The following PTPRD variants were observed in gnomAD, a reference collection of about 807,000 sequenced individuals.
PTPRD encodes protein tyrosine phosphatase receptor type D.
Under a neutral mutation model 214.5 loss-of-function variants are expected in PTPRD, and 34 were observed. The ratio of observed to expected loss-of-function variants is 0.16; its 90% confidence interval spans 0.12 to 0.21. PTPRD has a LOEUF of 0.21. Ranked by LOEUF, PTPRD falls within the 10% of genes least tolerant of loss-of-function variation. The pLI, the probability that PTPRD is intolerant of heterozygous loss-of-function variation, is 1.00. For synonymous variants in PTPRD, 1,128 were observed against 845.7 expected (o/e 1.33, Z -5.79); for missense variants, 2,545 against 2,398.7 (o/e 1.06, Z -1.27).
intron 14 of PTPRD, among the ~76,000 whole-genome samples, chr9:8,596,220 A>G (rs2094468116): frequency 6.6e-6 from 1 of 152,108 alleles, no homozygotes; most frequent in African/African-American, 2.4e-5. Context: ...TCTTAATATG[A>G]AAATAATACT....
chr9:10,534,246 T>C (rs1230074277), intron 2 of PTPRD, among the ~76,000 whole-genome samples: 2 of 151,996 alleles, frequency 1.3e-5, no homozygotes, highest in African/African-American at 4.8e-5. Flanking sequence ...TTAAAATTAC[T>C]CTATGGGACC....
intron 37 of PTPRD, among the ~76,000 whole-genome samples, chr9:8,377,532 A>G (rs887350235): frequency 4.6e-5 from 7 of 152,234 alleles, no homozygotes; most frequent in African/African-American, 1.7e-4. Flanking sequence ...AGTATAATGA[A>G]AAGTAACAAA....
At chr9:9,161,037 G>C (rs945651442) in intron 10 of PTPRD, among the ~76,000 whole-genome samples, 1 of 152,096 alleles carries the variant, frequency 6.6e-6, no homozygotes, top group Non-Finnish European at 1.5e-5. Context: ...CTGGGATATG[G>C]GGCAGGGGGT....
At chr9:9,947,452 T>TATA (rs1438365237) in intron 4 of PTPRD, among the ~76,000 whole-genome samples, 4 of 14,852 alleles carry the variant, frequency 2.7e-4, no homozygotes, top group African/African-American at 1.5e-3. Context: ...ATTTTATATA[T>TATA]TTTTATATAT....
Position 9,897,162 on chromosome 9 carries a change from C to T in PTPRD, c.-368+41345G>A, listed in dbSNP as rs546672684. Among the ~76,000 whole-genome samples, 265 of 123,172 alleles carry T rather than the reference C, an allele frequency of 2.2e-3. 2 individuals carry two copies. The highest frequency in any genetic ancestry group is 4.6e-3 in the Admixed American group (60 of 12,920). The allele number at this position is 123,172 out of a possible 152,430, so 80.8% of individuals were successfully genotyped here. A position where few individuals can be genotyped will look rare whatever the true frequency, so the allele number is the denominator to read the frequency against. ...CACACACACACACACACACACACAC[C>T]GCTGCTAAACACCCCCTGGGGGTTG... On this transcript the variant is annotated intron_variant, in intron 5 of 45. Coordinates refer to ENST00000381196, the MANE Select transcript of PTPRD (RefSeq NM_002839.4).
chr9:8,967,491 A>G (rs1428817972), intron 11 of PTPRD, among the ~76,000 whole-genome samples: 1 of 152,136 alleles, frequency 6.6e-6, no homozygotes, highest in Non-Finnish European at 1.5e-5. Context: ...CTACATAGCC[A>G]TAAAAAAATA....
chr9:8,494,211 A>T (rs556848619), intron 26 of PTPRD, among the ~76,000 whole-genome samples: 1 of 152,256 alleles, frequency 6.6e-6, no homozygotes, highest in South Asian at 2.1e-4. Context: ...GCAAGGCTGT[A>T]ACAGATACCG....
At chr9:8,479,542 T>G (rs1224169764) in intron 30 of PTPRD, among the ~76,000 whole-genome samples, 1 of 152,148 alleles carries the variant, frequency 6.6e-6, no homozygotes, top group Non-Finnish European at 1.5e-5. Context: ...CAAAAAAAAT[T>G]GAACAAGCTA....
chr9:9,443,945 C>CT (rs945865457), intron 8 of PTPRD, among the ~76,000 whole-genome samples: 62 of 152,254 alleles, frequency 4.1e-4, no homozygotes, highest in African/African-American at 1.4e-3. Context: ...TGCATAGGGA[C>CT]TTTTTTGTCT....
intron 11 of PTPRD, among the ~76,000 whole-genome samples, chr9:8,944,669 G>A (rs1246130692): frequency 5.3e-5 from 8 of 152,048 alleles, no homozygotes; most frequent in African/African-American, 1.9e-4. Flanking sequence ...CATTTTGCAT[G>A]TTCACACTCA....
At chr9:8,905,070 A>C (rs1042727795) in intron 11 of PTPRD, among the ~76,000 whole-genome samples, 2 of 152,332 alleles carry the variant, frequency 1.3e-5, no homozygotes, top group Non-Finnish European at 2.9e-5. Context: ...GAGTATACAA[A>C]AATGAAAGAG....
intron 38 of PTPRD, among the ~76,000 whole-genome samples, chr9:8,376,397 C>G (rs1366643325): frequency 6.6e-6 from 1 of 152,028 alleles, no homozygotes; most frequent in Non-Finnish European, 1.5e-5. Flanking sequence ...TTGGCTGAAA[C>G]TTTCATTTGG....
At chr9:8,951,641 A>C (rs1365244341) in intron 11 of PTPRD, among the ~76,000 whole-genome samples, 1 of 151,852 alleles carries the variant, frequency 6.6e-6, no homozygotes, top group Admixed American at 6.6e-5. Context: ...CAGGCCAGAA[A>C]CCTTTAAATT....
intron 8 of PTPRD, among the ~76,000 whole-genome samples, chr9:9,433,827 A>G (rs2084151638): frequency 6.6e-6 from 1 of 152,228 alleles, no homozygotes; most frequent in South Asian, 2.1e-4. Flanking sequence ...TGGATAATTT[A>G]CTTTAAAATT....
chr9:10,313,264 C>T (rs1033859605), intron 3 of PTPRD, among the ~76,000 whole-genome samples: 15 of 151,806 alleles, frequency 9.9e-5, no homozygotes, highest in Admixed American at 3.3e-4. Flanking sequence ...AACTTGGACT[C>T]TTTCTCTTAT....
At chr9:8,741,416 C>T (rs1041052845) in intron 11 of PTPRD, among the ~76,000 whole-genome samples, 1 of 151,962 alleles carries the variant, frequency 6.6e-6, no homozygotes, top group African/African-American at 2.4e-5. Context: ...TTCAACATGC[C>T]GTTGGAACTC....
chr9:10,083,482 A>G (rs906008251), intron 3 of PTPRD, among the ~76,000 whole-genome samples: 2 of 152,064 alleles, frequency 1.3e-5, no homozygotes, highest in Non-Finnish European at 2.9e-5. Flanking sequence ...GCCTGGATAA[A>G]CAGTTAGTGA....
chr9:10,016,307 A>C (rs1467482440), intron 4 of PTPRD, among the ~76,000 whole-genome samples: 2 of 152,144 alleles, frequency 1.3e-5, no homozygotes, highest in Non-Finnish European at 2.9e-5. Context: ...AACTATTTGA[A>C]TAAAGTAGCC....
chr9:8,379,381 A>G (rs562864012), intron 37 of PTPRD, among the ~76,000 whole-genome samples: 1 of 151,992 alleles, frequency 6.6e-6, no homozygotes, highest in Admixed American at 6.6e-5. Flanking sequence ...AGTAGCCTGC[A>G]CACCTTCATC....
Sources: gnomAD v4.1 joint callset for allele counts (sites outside exome capture counted in the v4.1 genomes callset) on GRCh38, gnomAD v4.1.1 for gene constraint, MANE v1.5 for transcripts, NCBI Gene and HGNC (gene_info 2026-07-23, HGNC 2026-07-21) for gene names.